Variants in FRMD3 observed in about 807,000 individuals in gnomAD.
FRMD3 encodes FERM domain-containing protein 3.
FRMD3 carries 33 observed loss-of-function variants against 70.2 expected under a neutral mutation model. That is an observed-to-expected ratio of 0.47 (90% CI 0.36 to 0.63). The LOEUF is 0.63. Ranked by LOEUF, FRMD3 falls within the 20% of genes least tolerant of loss-of-function variation. The pLI is 0.00. For missense variants in FRMD3, 632 were observed against 711.4 expected (o/e 0.89, Z 1.27); for synonymous variants, 279 against 255.9 (o/e 1.09, Z -0.86).
At position 83,468,456 on chromosome 9, in the gene FRMD3, A is replaced by T. The variant is rs1828187363; in HGVS notation, c.147+69629T>A. Among the ~76,000 whole-genome samples, 3 of 152,262 alleles carry T rather than the reference A, an allele frequency of 2.0e-5. No homozygotes were observed. In the South Asian group the frequency reaches 6.2e-4, roughly 31 times the overall value. ...CAGAAGCAAATGATTCTGGAAGCAC[A>T]TGAGAGCAGTACCACAAAGAGCAGT... is the stretch of plus-strand genomic sequence containing the variant. On this transcript the variant is annotated intron_variant, in intron 1 of 13. Transcript: ENST00000304195.
the FRMD3 span, among the ~76,000 whole-genome samples, chr9:83,554,109 T>C: frequency 3.3e-5 from 5 of 152,204 alleles, no homozygotes; most frequent in African/African-American, 9.6e-5. Flanking sequence ...TCTAGTTTCA[T>C]AGGGGGGTAT....
At chr9:83,449,668 C>T (rs894460849) in intron 1 of FRMD3, among the ~76,000 whole-genome samples, 3 of 152,308 alleles carry the variant, frequency 2.0e-5, no homozygotes, top group Non-Finnish European at 4.4e-5. Flanking sequence ...TTGCCAAGCT[C>T]AGCTTTGCCA....
intron 1 of FRMD3, among the ~76,000 whole-genome samples, chr9:83,471,089 G>T (rs1828257103): frequency 6.6e-6 from 1 of 152,158 alleles, no homozygotes. Flanking sequence ...GGGGGAGAAG[G>T]TGACATCCCT....
intron 10 of FRMD3, among the ~76,000 whole-genome samples, chr9:83,299,861 AAAC>A (rs905547351): frequency 3.3e-5 from 5 of 152,228 alleles, no homozygotes; most frequent in Admixed American, 1.3e-4. Context: ...AATAAGAGCA[AAAC>A]AACAACACTC....
chr9:83,394,734 C>A (rs543377248), intron 1 of FRMD3, among the ~76,000 whole-genome samples: 1 of 152,226 alleles, frequency 6.6e-6, no homozygotes, highest in South Asian at 2.1e-4. Flanking sequence ...CCTTTACACC[C>A]TATGGAACCT....
intron 13 of FRMD3, among the ~76,000 whole-genome samples, chr9:83,285,477 G>A (rs1240037367): frequency 6.6e-6 from 1 of 151,886 alleles, no homozygotes; most frequent in Non-Finnish European, 1.5e-5. Flanking sequence ...TACCAGTAAG[G>A]GGAAAACAAA....
intron 12 of FRMD3, among the ~76,000 whole-genome samples, chr9:83,296,048 GA>G (rs1208737631): frequency 6.6e-6 from 1 of 152,206 alleles, no homozygotes; most frequent in Non-Finnish European, 1.5e-5. Flanking sequence ...AGAATGTGAA[GA>G]AAATTCACTA....
chr9:83,534,322 G>C (rs1309247114), intron 1 of FRMD3, among the ~76,000 whole-genome samples: 1 of 152,208 alleles, frequency 6.6e-6, no homozygotes, highest in Non-Finnish European at 1.5e-5. Context: ...TCTCTTATTG[G>C]AACTGACCAC....
At chr9:83,477,920 C>G (rs1564095804) in intron 1 of FRMD3, among the ~76,000 whole-genome samples, 1 of 152,116 alleles carries the variant, frequency 6.6e-6, no homozygotes, top group Non-Finnish European at 1.5e-5. Flanking sequence ...GGCTTGAGCT[C>G]TTGGTTTGAA....
chr9:83,481,918 A>C (rs1328527046), intron 1 of FRMD3, among the ~76,000 whole-genome samples: 1 of 151,232 alleles, frequency 6.6e-6, no homozygotes, highest in African/African-American at 2.4e-5. Context: ...TAGAAAACCA[A>C]CATCCTACCT....
intron 10 of FRMD3, among the ~76,000 whole-genome samples, chr9:83,303,867 G>T (rs960600064): frequency 1.2e-4 from 18 of 152,154 alleles, no homozygotes; most frequent in African/African-American, 4.3e-4. Context: ...ACCTGTCACT[G>T]CAATGGGTAT....
At chr9:83,389,913 A>AACAC (rs756414554) in intron 1 of FRMD3, among the ~76,000 whole-genome samples, 2 of 150,956 alleles carry the variant, frequency 1.3e-5, no homozygotes, top group East Asian at 1.9e-4. Context: ...CACACACACA[A>AACAC]ACACACACAC....
At chr9:83,297,278 T>C (rs1456750108) in intron 12 of FRMD3, among the ~76,000 whole-genome samples, 1 of 152,154 alleles carries the variant, frequency 6.6e-6, no homozygotes, top group Non-Finnish European at 1.5e-5. Context: ...AAGAATAAAA[T>C]GCATGCTGAA....
chr9:83,550,708 G>GTGTGTA, the FRMD3 span, among the ~76,000 whole-genome samples: 1 of 151,246 alleles, frequency 6.6e-6, no homozygotes, highest in Non-Finnish European at 1.5e-5. Context: ...GTGTGTGTGT[G>GTGTGTA]TGTGTGTGTG....
At chr9:83,501,570 C>T (rs1829069850) in intron 1 of FRMD3, among the ~76,000 whole-genome samples, 2 of 152,072 alleles carry the variant, frequency 1.3e-5, no homozygotes, top group South Asian at 4.1e-4. Flanking sequence ...ACATTTTTCC[C>T]ACACAAAAAT....
Position 83,248,185 on chromosome 9 carries a change from C to A in FRMD3, c.1527G>T (p.Ser509=), listed in dbSNP as rs556942996. ...EELKEARRAL[S]WSYDILTGHI... ...GGCCAGTCAGAATGTCATAGCTCCACGACAAAGCACGGCGAGCCTCCTTCA... is the reference window on the plus strand; with the variant it reads ...GGCCAGTCAGAATGTCATAGCTCCAAGACAAAGCACGGCGAGCCTCCTTCA... The change falls in exon 14 of 14, where the codon TCG becomes TCT. Residue 509 remains serine, a synonymous_variant. Transcript: ENST00000304195. 3.7e-6 allele frequency: 6 copies of A among 1,614,090 alleles called. No individual in the cohort carries two copies. In the Admixed American group the frequency reaches 8.3e-5, roughly 22 times the overall value.
the FRMD3 span, among the ~76,000 whole-genome samples, chr9:83,547,608 A>G: frequency 6.6e-6 from 1 of 152,136 alleles, no homozygotes; most frequent in African/African-American, 2.4e-5. Context: ...CAACAATCCA[A>G]TGACATCACT....
chr9:83,257,482 T>G (rs1286440175), intron 13 of FRMD3, among the ~76,000 whole-genome samples: 1 of 151,998 alleles, frequency 6.6e-6, no homozygotes, highest in East Asian at 1.9e-4. Context: ...GTAACAAACC[T>G]GCACATCCTG....
At chr9:83,274,690 CAGT>C (rs984272178) in intron 13 of FRMD3, among the ~76,000 whole-genome samples, 2 of 152,200 alleles carry the variant, frequency 1.3e-5, no homozygotes, top group Middle Eastern at 6.8e-3. Context: ...GGGTGGAGGC[CAGT>C]GTGTGAGGAA....
Sources: allele counts gnomAD v4.1 joint callset (sites outside exome capture counted in the v4.1 genomes callset), GRCh38; gene constraint gnomAD v4.1.1; transcripts MANE v1.5; gene names NCBI Gene and HGNC (gene_info 2026-07-23, HGNC 2026-07-21).